HOOK3: variants seen among roughly 807,000 people sequenced by gnomAD.
The protein encoded by HOOK3 is hook microtubule tethering protein 3, also known as protein Hook homolog 3.
In HOOK3, 24 loss-of-function variants were observed where a neutral mutation model predicts 116.3. The ratio of observed to expected loss-of-function variants is 0.21; its 90% CI spans 0.15 to 0.29. The LOEUF (loss-of-function observed/expected upper bound fraction) is 0.29. Ranked by LOEUF, HOOK3 falls within the 10% of genes least tolerant of loss-of-function variation. The pLI is 1.00. For missense variants in HOOK3, 632 were observed against 830.2 expected, an observed-to-expected ratio of 0.76 and a Z score of 2.93; for synonymous variants, 275 against 283.0, an observed-to-expected ratio of 0.97 and a Z score of 0.28.
At chr8:42,931,680 C>T (rs1807876339) in intron 4 of HOOK3, among the ~76,000 whole-genome samples, 1 of 151,958 alleles carries the variant, frequency 6.6e-6, no homozygotes, top group Non-Finnish European at 1.5e-5. Flanking sequence ...GATCTGCCCG[C>T]CTCGGCCTCC....
At chr8:42,971,423 T>C (rs1808726215) in intron 11 of HOOK3, among the ~76,000 whole-genome samples, 1 of 149,340 alleles carries the variant, frequency 6.7e-6, no homozygotes, top group Non-Finnish European at 1.5e-5. Flanking sequence ...CCTGCCACCA[T>C]GCCTGGCTAA....
chr8:42,898,390 G>A (rs1807100906), intron 1 of HOOK3, among the ~76,000 whole-genome samples: 1 of 152,184 alleles, frequency 6.6e-6, no homozygotes, highest in African/African-American at 2.4e-5. Context: ...CTTCTGATGA[G>A]TTCTCCCTCC....
chr8:43,002,508 G>A (rs1163561594), intron 17 of HOOK3, among the ~76,000 whole-genome samples: 1 of 152,188 alleles, frequency 6.6e-6, no homozygotes, highest in Admixed American at 6.5e-5. Flanking sequence ...TGCAGTTGTA[G>A]CTTGAAAACA....
At chr8:42,974,072 TG>T (rs757981072) in intron 12 of HOOK3, 34 bp from the exon 13 acceptor site, 1 of 1,483,394 alleles carries the variant, frequency 6.7e-7, no homozygotes. Context: ...TCTTAAAACG[TG>T]AAGCTAACCC....
chr8:42,943,265 T>G (rs1343403904), intron 4 of HOOK3, 48 bp from the exon 5 acceptor site: 2 of 1,201,728 alleles, frequency 1.7e-6, no homozygotes, highest in South Asian at 2.7e-5. Flanking sequence ...TTTTTTTTTT[T>G]GGTCATATAA....
rs1335725635 is a variant in HOOK3 at position 43,028,062 on chromosome 8, C to T, written c.*9564C>T. The T allele has an allele frequency of 5.2e-6, 1 of 192,186 alleles. No homozygotes were observed. Among genetic ancestry groups the T allele is most frequent in the African/African-American group, 2.3e-5 (1 of 43,122 alleles). 11.9% of individuals were successfully genotyped at this position (192,186 alleles called of 1,614,324 possible). The stretch of plus-strand genomic sequence containing the variant: ...CTTGGAAAAAATCAAAACCCCATTC[C>T]TTTAAGCTAGTCTTCAGTATATATT... On this transcript the variant is annotated 3_prime_UTR_variant, in exon 22 of 22. Coordinates refer to ENST00000307602, the MANE Select transcript of HOOK3 (RefSeq NM_032410.4).
Position 43,018,526 on chromosome 8 carries a change from C to G in HOOK3, c.*28C>G. 1 of 1,576,954 alleles carries G rather than the reference C, an allele frequency of 6.3e-7. No individual in the cohort carries two copies. The highest frequency in any genetic ancestry group is 8.6e-7 in the Non-Finnish European group (1 of 1,164,818). On this transcript the variant is annotated 3_prime_UTR_variant, in exon 22 of 22. Coordinates refer to ENST00000307602, the MANE Select transcript of HOOK3 (RefSeq NM_032410.4). ...AAGTTGTGCCGCTCAATCACAGACA[C>G]CTGCACCCACAACATACTTCTGTTA...
chr8:42,984,964 G>A (rs992919177), intron 14 of HOOK3, among the ~76,000 whole-genome samples: 1 of 152,126 alleles, frequency 6.6e-6, no homozygotes, highest in Non-Finnish European at 1.5e-5. Context: ...GACTAGATAC[G>A]GATTAAAATA....
chr8:43,023,402 C>G lies in HOOK3; in HGVS notation c.*4904C>G, dbSNP rs1809867933. 1 of 163,704 alleles carries G rather than the reference C, an allele frequency of 6.1e-6. No individual in the cohort carries two copies. The highest frequency in any genetic ancestry group is 1.3e-5 in the Non-Finnish European group (1 of 76,344). The allele number at this position is 163,704 out of a possible 1,614,324, so 10.1% of individuals were successfully genotyped here. ...TCCTTCCTTCCTCCTTCCTTCCTTC[C>G]TTCCTTCCTTCCTTCCTTCCCTTCT... On this transcript the variant is annotated 3_prime_UTR_variant, in exon 22 of 22. Coordinates refer to ENST00000307602, the MANE Select transcript of HOOK3 (RefSeq NM_032410.4).
At chr8:42,998,830 A>C (rs746540490) in intron 16 of HOOK3, among the ~76,000 whole-genome samples, 2 of 152,184 alleles carry the variant, frequency 1.3e-5, no homozygotes, top group African/African-American at 2.4e-5. Context: ...AATTTAAAAC[A>C]TGTTTTTATT....
chr8:42,941,665 A>G (rs940372173), intron 4 of HOOK3, among the ~76,000 whole-genome samples: 1 of 151,978 alleles, frequency 6.6e-6, no homozygotes, highest in Non-Finnish European at 1.5e-5. Flanking sequence ...ATTTAATTCA[A>G]TTTGTTTTCC....
chr8:42,977,845 C>T (rs1019149474), intron 13 of HOOK3, among the ~76,000 whole-genome samples: 7 of 151,788 alleles, frequency 4.6e-5, no homozygotes, highest in Non-Finnish European at 7.4e-5. Flanking sequence ...GCAGCCTGGG[C>T]GACAGAGTGA....
chr8:42,950,607 A>G (rs1327513338), intron 6 of HOOK3, 152 bp downstream of exon 6: 2 of 519,844 alleles, frequency 3.8e-6, no homozygotes, highest in Non-Finnish European at 6.8e-6. Flanking sequence ...TTTTTATTCT[A>G]AAAAATCATA....
At chr8:42,938,598 A>G (rs552923624) in intron 4 of HOOK3, among the ~76,000 whole-genome samples, 1 of 152,180 alleles carries the variant, frequency 6.6e-6, no homozygotes, top group Non-Finnish European at 1.5e-5. Context: ...GTGGTGACAA[A>G]ATCTCTCAGC....
intron 10 of HOOK3, among the ~76,000 whole-genome samples, chr8:42,966,922 T>C (rs757027667): frequency 6.6e-6 from 1 of 152,178 alleles, no homozygotes; most frequent in Non-Finnish European, 1.5e-5. Flanking sequence ...CTTGTACAGC[T>C]CTGGAGCTGT....
At chr8:42,955,684 A>G (rs756715070) in intron 6 of HOOK3, among the ~76,000 whole-genome samples, 3 of 152,164 alleles carry the variant, frequency 2.0e-5, no homozygotes, top group Non-Finnish European at 2.9e-5. Flanking sequence ...ATGATGGGCT[A>G]AGACTGAAAG....
chr8:42,936,667 G>A (rs1438603883), intron 4 of HOOK3, among the ~76,000 whole-genome samples: 2 of 152,098 alleles, frequency 1.3e-5, no homozygotes, highest in African/African-American at 4.8e-5. Context: ...TTTGTCATTG[G>A]TTCTGTTTAT....
intron 15 of HOOK3, among the ~76,000 whole-genome samples, chr8:42,988,640 A>G (rs1809095026): frequency 6.8e-6 from 1 of 146,094 alleles, no homozygotes; most frequent in Admixed American, 6.7e-5. Flanking sequence ...CGATAATAAC[A>G]GGTAATATTT....
chr8:42,910,841 G>A (rs1807412746), intron 2 of HOOK3, among the ~76,000 whole-genome samples: 1 of 152,176 alleles, frequency 6.6e-6, no homozygotes, highest in African/African-American at 2.4e-5. Flanking sequence ...TTAACTAAGA[G>A]AACAAAACTG....
Sources: allele counts gnomAD v4.1 joint callset (sites outside exome capture counted in the v4.1 genomes callset), GRCh38; gene constraint gnomAD v4.1.1; transcripts MANE v1.5; gene names NCBI Gene and HGNC (gene_info 2026-07-23, HGNC 2026-07-21).